Variants in ADARB2 observed in about 807,000 individuals in gnomAD.
ADARB2 encodes the protein inactive double-stranded RNA-specific editase B2.
In ADARB2, 25 loss-of-function variants were observed where a neutral mutation model predicts 62.2. That is an observed-to-expected ratio of 0.40 (90% CI 0.29 to 0.56). The LOEUF (loss-of-function observed/expected upper bound fraction) is 0.56, where lower values mean the gene tolerates loss of function less well. Ranked by LOEUF, ADARB2 falls within the 20% of genes least tolerant of loss-of-function variation. The pLI, the probability that ADARB2 is intolerant of heterozygous loss-of-function variation, is 0.43. For missense variants in ADARB2, 1,071 were observed against 1,077.4 expected, an observed-to-expected ratio of 0.99 and a Z score of 0.08; for synonymous variants, 572 against 500.8, an observed-to-expected ratio of 1.14 and a Z score of -1.90.
chr10:1,392,471 T>C (rs1446639460), intron 1 of ADARB2, among the ~76,000 whole-genome samples: 2 of 152,200 alleles, frequency 1.3e-5, no homozygotes, highest in Non-Finnish European at 2.9e-5. Context: ...TGGATGCACT[T>C]CTATCTAAAC....
chr10:1,401,654 T>C (rs1832664122), intron 1 of ADARB2, among the ~76,000 whole-genome samples: 1 of 152,194 alleles, frequency 6.6e-6, no homozygotes, highest in Admixed American at 6.5e-5. Flanking sequence ...CGTGTCCCCA[T>C]TTCTACCGAA....
chr10:1,608,501 G>A (rs1448855224), intron 1 of ADARB2, among the ~76,000 whole-genome samples: 2 of 150,992 alleles, frequency 1.3e-5, no homozygotes, highest in Admixed American at 6.6e-5. Context: ...AAGGGGAAAA[G>A]AAGGGAGAAA....
chr10:1,585,759 G>T (rs1276818702), intron 1 of ADARB2, among the ~76,000 whole-genome samples: 2 of 152,210 alleles, frequency 1.3e-5, no homozygotes, highest in African/African-American at 2.4e-5. Flanking sequence ...CTGTGTCTGG[G>T]TGCGGTGTCT....
intron 1 of ADARB2, 110 bp from the exon 2 acceptor site, chr10:1,379,270 C>T: frequency 1.2e-6 from 1 of 869,138 alleles, no homozygotes; most frequent in Non-Finnish European, 1.9e-6. Context: ...GGAGAGGTCA[C>T]TTTGGTTTCA....
intron 1 of ADARB2, among the ~76,000 whole-genome samples, chr10:1,587,754 G>A (rs775043920): frequency 3.9e-5 from 6 of 152,142 alleles, no homozygotes; most frequent in African/African-American, 1.4e-4. Context: ...TAATTCCCAC[G>A]TGTTGTGGGA....
chr10:1,636,103 CT>C (rs951914072), intron 1 of ADARB2, among the ~76,000 whole-genome samples: 4 of 152,136 alleles, frequency 2.6e-5, no homozygotes, highest in Non-Finnish European at 5.9e-5. Flanking sequence ...ATACCGGGAA[CT>C]GGTTTCCAGT....
chr10:1,570,898 G>T (rs945486355), intron 1 of ADARB2, among the ~76,000 whole-genome samples: 3 of 152,136 alleles, frequency 2.0e-5, no homozygotes, highest in African/African-American at 7.2e-5. Context: ...AGTGACAGGT[G>T]CAGGAGAGGC....
chr10:1,280,573 C>T (rs1049793021), intron 3 of ADARB2, among the ~76,000 whole-genome samples: 2 of 151,210 alleles, frequency 1.3e-5, no homozygotes, highest in Admixed American at 1.3e-4. Context: ...CCGTGAAATT[C>T]CTAAGTGACG....
At chr10:1,528,206 G>A (rs1564318112) in intron 1 of ADARB2, among the ~76,000 whole-genome samples, 1 of 152,158 alleles carries the variant, frequency 6.6e-6, no homozygotes, top group Non-Finnish European at 1.5e-5. Context: ...ATGTTACTGT[G>A]CGATACAGCA....
chr10:1,279,090 G>A (rs1304530362), intron 3 of ADARB2, among the ~76,000 whole-genome samples: 5 of 152,106 alleles, frequency 3.3e-5, no homozygotes, highest in African/African-American at 4.8e-5. Flanking sequence ...TGGGGCTGCC[G>A]TAAAAGAATA....
chr10:1,701,793 G>A, intron 1 of ADARB2, among the ~76,000 whole-genome samples: 1 of 142,248 alleles, frequency 7.0e-6, no homozygotes, highest in Non-Finnish European at 1.6e-5. Context: ...TCCACCGGGA[G>A]ACCGGGCACT....
intron 1 of ADARB2, among the ~76,000 whole-genome samples, chr10:1,736,659 G>A (rs1172082488): frequency 2.6e-5 from 4 of 152,174 alleles, no homozygotes; most frequent in Non-Finnish European, 5.9e-5. Context: ...GCGAGGGCTC[G>A]TTCCCCCGTT....
intron 1 of ADARB2, among the ~76,000 whole-genome samples, chr10:1,689,381 T>C (rs1834639481): frequency 1.3e-5 from 2 of 152,216 alleles, no homozygotes; most frequent in Admixed American, 1.3e-4. Flanking sequence ...CTGCTTCCTC[T>C]GTTTCTTTTC....
At chr10:1,231,601 C>G (rs1198487848) in intron 6 of ADARB2, among the ~76,000 whole-genome samples, 1 of 152,210 alleles carries the variant, frequency 6.6e-6, no homozygotes, top group Non-Finnish European at 1.5e-5. Context: ...TCTCTCCCTA[C>G]TGCAGGAAGT....
chr10:1,321,559 T>G (rs994786133), intron 3 of ADARB2, among the ~76,000 whole-genome samples: 1 of 152,064 alleles, frequency 6.6e-6, no homozygotes, highest in Non-Finnish European at 1.5e-5. Context: ...ATTTTCAAAT[T>G]TTTTTGTAGA....
intron 1 of ADARB2, among the ~76,000 whole-genome samples, chr10:1,689,073 A>G (rs1834635166): frequency 6.6e-6 from 1 of 152,216 alleles, no homozygotes; most frequent in Non-Finnish European, 1.5e-5. Flanking sequence ...CAGATTTGTT[A>G]GAGAAAGTAG....
rs1832631253 is a variant in ADARB2, at chr10:1,398,123, C to T, written c.101-18963G>A. 6.9e-6 allele frequency among the ~76,000 whole-genome samples: 1 copy of T among 144,776 alleles called. No individual in the cohort carries two copies. The highest frequency in any genetic ancestry group is 2.6e-5 in the African/African-American group (1 of 38,320). 95.0% of individuals were successfully genotyped at this position (144,776 alleles called of 152,430 possible). A position where few individuals can be genotyped will look rare whatever the true frequency, so the allele number is the denominator to read the frequency against. On this transcript the variant is annotated intron_variant, in intron 1 of 9. Transcript: ENST00000381312. This position sits in a 1 kb window ranked among gnomAD's most constrained non-coding sequence, Gnocchi z 4.1. ...TCCCGAGTGCAGGCTTCCTGGGTCA[C>T]CATCAGTCTCTCCCCTCCCGAGTGC...
intron 1 of ADARB2, among the ~76,000 whole-genome samples, chr10:1,587,271 G>T (rs1833193419): frequency 6.6e-6 from 1 of 152,208 alleles, no homozygotes; most frequent in African/African-American, 2.4e-5. Context: ...CTCCAGAGAT[G>T]TAAGTCGGGT....
At chr10:1,615,183 A>C (rs1187533672) in intron 1 of ADARB2, among the ~76,000 whole-genome samples, 2 of 152,206 alleles carry the variant, frequency 1.3e-5, no homozygotes, top group Admixed American at 1.3e-4. Flanking sequence ...GGAAAGTTCT[A>C]GAATGGTCAG....
Sources: gnomAD v4.1 joint callset for allele counts (sites outside exome capture counted in the v4.1 genomes callset) on GRCh38, gnomAD v4.1.1 for gene constraint, Gnocchi (gnomAD v3.1) non-coding constraint, MANE v1.5 for transcripts, NCBI Gene and HGNC (gene_info 2026-07-23, HGNC 2026-07-21) for gene names.